CELF2: variants seen among roughly 807,000 people sequenced by gnomAD.
The protein encoded by CELF2 is CUG triplet repeat RNA-binding protein 2.
CELF2 carries 8 observed loss-of-function variants against 62.6 expected under a neutral mutation model. The ratio of observed to expected loss-of-function variants is 0.13; its 90% CI spans 0.07 to 0.23. The LOEUF is 0.23. Among genes scored for constraint, CELF2 ranks in the 10% least tolerant of loss-of-function variants. CELF2 has a pLI of 1.00. For synonymous variants in CELF2, 258 were observed against 250.0 expected (o/e 1.03, Z -0.30); for missense variants, 333 against 671.0 (o/e 0.50, Z 5.56).
Position 11,242,047 on chromosome 10 carries a change from C to T in CELF2, c.355-7106C>T, listed in dbSNP as rs1397747495. 6.6e-5 allele frequency among the ~76,000 whole-genome samples: 10 copies of T among 152,088 alleles called. No individual in the cohort carries two copies. The highest frequency in any genetic ancestry group is 8.8e-5 in the Non-Finnish European group (6 of 68,018). On this transcript the variant is annotated intron_variant, in intron 3 of 12. Coordinates refer to ENST00000633077, the MANE Select transcript of CELF2 (RefSeq NM_001326342.2). This position sits in a 1 kb window ranked among gnomAD's most constrained non-coding sequence, Gnocchi z 4.8. Reference sequence around the variant, plus strand: ...GGGTCTTTACTGGCCATAATATTTTCGTTTTCTCAGTTGGCACATAGCTCT... The same window carrying T: ...GGGTCTTTACTGGCCATAATATTTTTGTTTTCTCAGTTGGCACATAGCTCT...
chr10:11,010,370 A>G lies in CELF2; in HGVS notation c.53+4930A>G, dbSNP rs1453129789. On this transcript the variant is annotated intron_variant, in intron 1 of 12. Coordinates refer to the CELF2 transcript ENST00000416382. This position sits in a 1 kb window ranked among gnomAD's most constrained non-coding sequence, Gnocchi z 4.1. ...AAGTATCAGTGGAAACCTCAGTGCT[A>G]AAAGAACAATCGAATCAGTACTGGC... Among the ~76,000 whole-genome samples the G allele has an allele frequency of 6.6e-6, 1 of 152,210 alleles. No individual in the cohort carries two copies. The highest frequency in any genetic ancestry group is 1.5e-5 in the Non-Finnish European group (1 of 68,038).
At chr10:10,762,498 C>G in the CELF2 span, among the ~76,000 whole-genome samples, 1 of 152,132 alleles carries the variant, frequency 6.6e-6, no homozygotes, top group South Asian at 2.1e-4. Context: ...TAGAGACACC[C>G]AGGGTCCTGG....
In CELF2 at chr10:11,309,136, T is replaced by A. The variant is rs1015393094; in HGVS notation, c.977-5003T>A. On this transcript the variant is annotated intron_variant, in intron 9 of 12. Transcript: ENST00000633077. The surrounding 1 kb of genome is among the most constrained non-coding windows in gnomAD (Gnocchi z 5.6). ...AACATCTGGGCCCTCTTACGCACAG[T>A]TTCTGTTGTCTGCTGTCTGCTTTTT... Among the ~76,000 whole-genome samples the A allele has an allele frequency of 2.6e-5, 4 of 152,210 alleles. No individual in the cohort carries two copies. The highest frequency in any genetic ancestry group is 5.9e-5 in the Non-Finnish European group (4 of 68,038).
chr10:11,262,855 A>G (rs1239050797), intron 5 of CELF2, among the ~76,000 whole-genome samples: 2 of 150,390 alleles, frequency 1.3e-5, no homozygotes, highest in African/African-American at 4.9e-5. Flanking sequence ...CACTTGAAGT[A>G]TAGTGGGTAC....
intron 1 of CELF2, among the ~76,000 whole-genome samples, chr10:11,126,883 T>C (rs1360400320): frequency 6.6e-6 from 1 of 152,098 alleles, no homozygotes; most frequent in Non-Finnish European, 1.5e-5. Context: ...TTAAGTTCAT[T>C]TTCAGCCTCT....
Position 10,924,383 on chromosome 10 carries a change from A to G in CELF2, c.89+4384A>G, listed in dbSNP as rs553446917. 3.3e-5 allele frequency among the ~76,000 whole-genome samples: 5 copies of G among 151,914 alleles called. No homozygotes were observed. The East Asian group carries it at 7.7e-4, about 24-fold the overall frequency. ...CTATGAGCTGCTGTTTTTGAAAAAA[A>G]GGGAGCATTTTAATTCCTTGTTAAC... On this transcript the variant is annotated intron_variant, in intron 2 of 13. Transcript: ENST00000636488.
chr10:10,523,073 C>T, the CELF2 span, among the ~76,000 whole-genome samples: 1 of 152,152 alleles, frequency 6.6e-6, no homozygotes, highest in East Asian at 1.9e-4. Flanking sequence ...CAGAATGGAG[C>T]CCACCTATGG....
At chr10:10,566,993 A>T in the CELF2 span, among the ~76,000 whole-genome samples, 1 of 152,178 alleles carries the variant, frequency 6.6e-6, no homozygotes, top group Non-Finnish European at 1.5e-5. Flanking sequence ...CATATGCATA[A>T]ATATACATAT....
rs915385984 is a variant in CELF2 at position 11,237,645 on chromosome 10, G to A, written c.355-11508G>A. Among the ~76,000 whole-genome samples, 3 of 152,212 alleles carry A rather than the reference G, an allele frequency of 2.0e-5. No individual in the cohort carries two copies. Among genetic ancestry groups the A allele is most frequent in the African/African-American group, 4.8e-5 (2 of 41,450 alleles). On this transcript the variant is annotated intron_variant, in intron 3 of 12. Coordinates refer to ENST00000633077, the MANE Select transcript of CELF2 (RefSeq NM_001326342.2). The surrounding 1 kb of genome is among the most constrained non-coding windows in gnomAD (Gnocchi z 4.0). Reference sequence around the variant, plus strand: ...GTGAGGGTTACAAGGGAGGCTGGGGGTCAGCCACTCACTGGCTTTTGGGGC... The same window carrying A: ...GTGAGGGTTACAAGGGAGGCTGGGGATCAGCCACTCACTGGCTTTTGGGGC...
rs988317651 is a variant in CELF2 at position 11,093,261 on chromosome 10, T to A, written c.75-72225T>A. Among the ~76,000 whole-genome samples, 25 of 138,846 alleles carry A rather than the reference T, an allele frequency of 1.8e-4. 1 individual carries two copies. In the East Asian group the frequency reaches 4.9e-3, roughly 27 times the overall value. 91.1% of individuals were successfully genotyped at this position (138,846 alleles called of 152,430 possible). ...GTGTTTATTGGGCCACAGTTTGGTG[T>A]TTGGGAATTAATGTGAAAATTCCAG... On this transcript the variant is annotated intron_variant, in intron 1 of 12. Coordinates refer to ENST00000633077, the MANE Select transcript of CELF2 (RefSeq NM_001326342.2).
the CELF2 span, among the ~76,000 whole-genome samples, chr10:10,509,975 A>G: frequency 2.0e-5 from 3 of 152,120 alleles, no homozygotes; most frequent in South Asian, 4.1e-4. Context: ...TCTTTCTACA[A>G]CCAAGGCCCA....
At chr10:11,052,237 T>A (rs923771176) in intron 1 of CELF2, among the ~76,000 whole-genome samples, 5 of 152,196 alleles carry the variant, frequency 3.3e-5, no homozygotes, top group African/African-American at 1.2e-4. Context: ...TTCTAGGCTG[T>A]TGTTCTTAAT....
In CELF2 at chr10:10,857,649, GTATATATATATATA is replaced by G. The variant is rs779543257; in HGVS notation, c.53+58852_53+58865del. On this transcript the variant is annotated intron_variant, in intron 1 of 13. Coordinates refer to the CELF2 transcript ENST00000636488. ...ATATGTGGTAAACTACATATATATA[GTATATATATATATA>G]TATATATATATATATATATTTTACC... 2.8e-3 allele frequency among the ~76,000 whole-genome samples: 265 copies of G among 94,210 alleles called. 2 individuals carry two copies. The highest frequency in any genetic ancestry group is 0.021 in the South Asian group (59 of 2,776). 61.8% of individuals were successfully genotyped at this position (94,210 alleles called of 152,430 possible).
At chr10:10,498,176 T>C in the CELF2 span, among the ~76,000 whole-genome samples, 123 of 152,032 alleles carry the variant, frequency 8.1e-4, 4 homozygotes, top group Admixed American at 8.1e-3. Flanking sequence ...CCATGAATTG[T>C]GGGGAGGAAA....
chr10:10,501,170 T>C, the CELF2 span, among the ~76,000 whole-genome samples: 3 of 152,216 alleles, frequency 2.0e-5, no homozygotes, highest in Non-Finnish European at 4.4e-5. Flanking sequence ...TTTAGTTTTT[T>C]AAAGAAACAG....
rs2065423169 is a variant in CELF2, at chr10:11,223,200, C to G, written c.354+5693C>G. ...GAAATGGCCGTGCGATGATGGTGAG[C>G]TCTGCTTCCCAGCATCCTCACAGTC... On this transcript the variant is annotated intron_variant, in intron 3 of 12. Coordinates refer to ENST00000633077, the MANE Select transcript of CELF2 (RefSeq NM_001326342.2). This position sits in a 1 kb window ranked among gnomAD's most constrained non-coding sequence, Gnocchi z 5.1. 6.6e-6 allele frequency among the ~76,000 whole-genome samples: 1 copy of G among 152,220 alleles called. No homozygotes were observed. Among genetic ancestry groups the G allele is most frequent in the African/African-American group, 2.4e-5 (1 of 41,464 alleles).
chr10:10,779,173 A>G, the CELF2 span, among the ~76,000 whole-genome samples: 5,673 of 152,268 alleles, frequency 0.037, 123 homozygotes, highest in Middle Eastern at 0.061. Flanking sequence ...CAGCTCACAG[A>G]CTGTGTTCAT....
At chr10:10,970,193 C>T (rs1312382078) in intron 2 of CELF2, among the ~76,000 whole-genome samples, 3 of 152,108 alleles carry the variant, frequency 2.0e-5, no homozygotes, top group African/African-American at 4.8e-5. Flanking sequence ...CTCAGCCTCC[C>T]GAATAGCTGG....
chr10:11,289,637 G>T (rs751732040), intron 9 of CELF2, among the ~76,000 whole-genome samples: 68 of 152,290 alleles, frequency 4.5e-4, no homozygotes, highest in Middle Eastern at 3.4e-3. Context: ...TGCTGAGATC[G>T]CATGGCAGGT....
Sources: allele counts gnomAD v4.1 joint callset (sites outside exome capture counted in the v4.1 genomes callset), GRCh38; gene constraint gnomAD v4.1.1; non-coding constraint Gnocchi (gnomAD v3.1); transcripts MANE v1.5; gene names NCBI Gene and HGNC (gene_info 2026-07-23, HGNC 2026-07-21).